Variants in MSH4 observed in about 807,000 individuals in gnomAD.
MSH4 encodes the protein mutS protein homolog 4.
A neutral mutation model predicts 113.7 loss-of-function variants in MSH4; 106 were observed. The ratio of observed to expected loss-of-function variants is 0.93; its 90% CI spans 0.80 to 1.10. The LOEUF (loss-of-function observed/expected upper bound fraction) is 1.10, where lower values mean the gene tolerates loss of function less well. Ranked by LOEUF, MSH4 falls within the 50% of genes least tolerant of loss-of-function variation. MSH4 has a pLI of 0.00. For synonymous variants in MSH4, 368 were observed against 380.2 expected, an observed-to-expected ratio of 0.97 and a Z score of 0.37; for missense variants, 1,061 against 1,093.7, an observed-to-expected ratio of 0.97 and a Z score of 0.42.
intron 17 of MSH4, among the ~76,000 whole-genome samples, chr1:75,896,003 A>G (rs1411044142): frequency 6.6e-6 from 1 of 152,102 alleles, no homozygotes; most frequent in Non-Finnish European, 1.5e-5. Flanking sequence ...CTGTAAGGGC[A>G]TTTCTGGATG....
chr1:75,803,161 T>G (rs1344223685), intron 1 of MSH4, among the ~76,000 whole-genome samples: 1 of 152,170 alleles, frequency 6.6e-6, no homozygotes, highest in Admixed American at 6.6e-5. Flanking sequence ...TCTGGTATAT[T>G]TGAAGATTAA....
chr1:75,843,944 G>A (rs1027080909), intron 7 of MSH4, among the ~76,000 whole-genome samples: 13 of 151,840 alleles, frequency 8.6e-5, no homozygotes, highest in South Asian at 4.2e-4. Flanking sequence ...CCCGAGTAGC[G>A]GGGATTACAG....
chr1:75,875,313 T>C (rs905308401), intron 9 of MSH4, among the ~76,000 whole-genome samples: 9 of 152,196 alleles, frequency 5.9e-5, no homozygotes, highest in African/African-American at 2.2e-4. Flanking sequence ...GAAGATGATG[T>C]TGTAACACTG....
intron 19 of MSH4, among the ~76,000 whole-genome samples, chr1:75,910,221 C>A (rs959060633): frequency 6.6e-6 from 1 of 152,124 alleles, no homozygotes; most frequent in African/African-American, 2.4e-5. Context: ...CCAAAGTTTT[C>A]TCTTAAATAC....
chr1:75,850,450 A>G (rs573744009), intron 8 of MSH4, among the ~76,000 whole-genome samples: 6 of 152,062 alleles, frequency 3.9e-5, no homozygotes, highest in Non-Finnish European at 7.4e-5. Context: ...TATTTCCAGT[A>G]TTTGGGGACT....
At chr1:75,896,501 G>A (rs1335193648) in intron 17 of MSH4, among the ~76,000 whole-genome samples, 1 of 151,556 alleles carries the variant, frequency 6.6e-6, no homozygotes, top group African/African-American at 2.4e-5. Context: ...AGGCTGGAGT[G>A]CAGTGGCATG....
intron 7 of MSH4, among the ~76,000 whole-genome samples, chr1:75,828,393 A>T (rs1557499062): frequency 3.9e-5 from 6 of 152,218 alleles, no homozygotes. Context: ...GGCAGCAAAG[A>T]CATGGAATGA....
chr1:75,903,348 A>G (rs921698302), intron 19 of MSH4, among the ~76,000 whole-genome samples: 3 of 151,754 alleles, frequency 2.0e-5, no homozygotes, highest in African/African-American at 2.4e-5. Context: ...AAATGCTTGG[A>G]CTTATTTCTG....
chr1:75,830,193 T>C (rs1045827604), intron 7 of MSH4, among the ~76,000 whole-genome samples: 9 of 151,920 alleles, frequency 5.9e-5, no homozygotes, highest in Non-Finnish European at 1.0e-4. Flanking sequence ...CTATCAGTGA[T>C]TGAAGATCAA....
chr1:75,824,844 G>A (rs979919353), intron 7 of MSH4, among the ~76,000 whole-genome samples: 7 of 147,702 alleles, frequency 4.7e-5, no homozygotes, highest in African/African-American at 1.0e-4. Context: ...GTACCATACC[G>A]TTTTAGTTAC....
intron 7 of MSH4, among the ~76,000 whole-genome samples, chr1:75,836,616 T>C (rs991230869): frequency 6.6e-6 from 1 of 152,176 alleles, no homozygotes; most frequent in Non-Finnish European, 1.5e-5. Context: ...TATTGTTAAA[T>C]GTAATGGACA....
chr1:75,801,421 T>C (rs1421191473), intron 1 of MSH4, among the ~76,000 whole-genome samples: 1 of 149,474 alleles, frequency 6.7e-6, no homozygotes, highest in Admixed American at 6.6e-5. Flanking sequence ...AAAAAAAAAA[T>C]AGCCAGGTGT....
intron 7 of MSH4, among the ~76,000 whole-genome samples, chr1:75,837,560 T>G (rs1176268154): frequency 6.6e-6 from 1 of 152,006 alleles, no homozygotes; most frequent in Non-Finnish European, 1.5e-5. Context: ...CTAATTTTTG[T>G]ATTTTTAGTA....
chr1:75,850,235 A>C (rs939530604), intron 8 of MSH4, among the ~76,000 whole-genome samples: 4 of 152,058 alleles, frequency 2.6e-5, no homozygotes, highest in Non-Finnish European at 5.9e-5. Context: ...GTTGTAAAGG[A>C]GGAAGCTGAG....
intron 14 of MSH4, 81 bp downstream of exon 14, chr1:75,881,451 C>T (rs1342007906): frequency 2.1e-6 from 3 of 1,442,052 alleles, no homozygotes; most frequent in Non-Finnish European, 2.8e-6. Context: ...ATAGTTATGA[C>T]ATTTAAAATT....
intron 18 of MSH4, 101 bp downstream of exon 18, chr1:75,898,182 T>G: frequency 2.6e-6 from 2 of 762,586 alleles, no homozygotes; most frequent in Non-Finnish European, 3.9e-6. Context: ...TAAGGAAATT[T>G]TCTCATTCTT....
At chr1:75,831,863 A>G (rs1332473829) in intron 7 of MSH4, among the ~76,000 whole-genome samples, 1 of 152,220 alleles carries the variant, frequency 6.6e-6, no homozygotes, top group South Asian at 2.1e-4. Flanking sequence ...CCCTAACATC[A>G]CAATTAAAAG....
chr1:75,811,172 G>A (rs1570942418), intron 4 of MSH4, among the ~76,000 whole-genome samples: 1 of 151,914 alleles, frequency 6.6e-6, no homozygotes, highest in Admixed American at 6.6e-5. Context: ...CACTGTGCCC[G>A]GCCCTAATCA....
rs1174460927 is a variant in MSH4 at position 75,878,291 on chromosome 1, T to TA, written c.1514dup (p.Tyr505Ter). The TA allele has an allele frequency of 2.5e-6, 4 of 1,599,784 alleles. No homozygotes were observed. The highest frequency in any genetic ancestry group is 3.4e-6 in the Non-Finnish European group (4 of 1,176,572). The change falls in exon 11 of 20, where the codon TAC becomes TAAC. Residue 505 changes from tyrosine (Y) to a stop codon, truncating the protein, a stop_gained and frameshift_variant. Coordinates refer to ENST00000263187, the MANE Select transcript of MSH4 (RefSeq NM_002440.4). LOFTEE classifies it high-confidence loss of function. ...ATTTCTTGACATAGCAAGAAGAACA[T>TA]ACACAGAGATTGTAGATGACATAGC... ...NEFLDIARRT[Y>*]TEIVDDIAGM... is the part of the protein sequence containing the mutation.
Sources: gnomAD v4.1 joint callset for allele counts (sites outside exome capture counted in the v4.1 genomes callset) on GRCh38, gnomAD v4.1.1 for gene constraint, MANE v1.5 for transcripts, NCBI Gene and HGNC (gene_info 2026-07-23, HGNC 2026-07-21) for gene names.